Variants in SDK1 observed in about 807,000 individuals in gnomAD.
SDK1 encodes protein sidekick-1.
In SDK1, 157 loss-of-function variants were observed where a neutral mutation model predicts 245.5. The observed-to-expected ratio is 0.64, with a 90% CI of 0.56 to 0.73. The LOEUF is 0.73. Ranked by LOEUF, SDK1 falls within the 30% of genes least tolerant of loss-of-function variation. The probability of loss-of-function intolerance (pLI) is 0.00; values close to 1 mark genes in which losing one functional copy is unlikely to be tolerated. For synonymous variants in SDK1, 1,647 were observed against 1,278.5 expected (o/e 1.29, Z -6.15); for missense variants, 3,583 against 3,002.3 (o/e 1.19, Z -4.52).
intron 2 of SDK1, among the ~76,000 whole-genome samples, chr7:3,623,249 T>TC (rs1383748920): frequency 1.4e-5 from 2 of 147,588 alleles, no homozygotes; most frequent in Non-Finnish European, 3.0e-5. Context: ...GTATTTCTTT[T>TC]TTTTTTTTTT....
At chr7:4,086,518 C>A (rs1271049972) in intron 22 of SDK1, among the ~76,000 whole-genome samples, 1 of 152,134 alleles carries the variant, frequency 6.6e-6, no homozygotes, top group Non-Finnish European at 1.5e-5. Flanking sequence ...CATGGTCATT[C>A]CCAGCTCCTG....
intron 1 of SDK1, among the ~76,000 whole-genome samples, chr7:3,563,201 G>A (rs145319993): frequency 6.6e-6 from 1 of 152,108 alleles, no homozygotes; most frequent in African/African-American, 2.4e-5. Flanking sequence ...GGGGAAGTGG[G>A]ATGGAAAGAA....
Position 4,077,472 on chromosome 7 carries a change from G to A in SDK1, c.3202+283G>A, listed in dbSNP as rs7795491. ...AAAGTGTTTAAAGCCAGTTCCCAAT[G>A]CATATCTAAAATGCCATGAATACTT... On this transcript the variant is annotated intron_variant, in intron 21 of 44. Transcript: ENST00000404826. Among the ~76,000 whole-genome samples, 977 of 152,274 alleles carry A rather than the reference G, an allele frequency of 6.4e-3. 11 individuals are homozygous for A. Among genetic ancestry groups the A allele is most frequent in the African/African-American group, 0.023 (943 of 41,562 alleles).
chr7:3,369,296 C>T (rs1274609324), intron 1 of SDK1, among the ~76,000 whole-genome samples: 1 of 152,126 alleles, frequency 6.6e-6, no homozygotes, highest in Non-Finnish European at 1.5e-5. Context: ...CTGCCTCGGC[C>T]TCCCAAAGTG....
chr7:4,049,042 G>C (rs576342267), intron 17 of SDK1, among the ~76,000 whole-genome samples: 1 of 152,274 alleles, frequency 6.6e-6, no homozygotes, highest in South Asian at 2.1e-4. Context: ...AAAGAGATTA[G>C]AGAAAGCTTT....
intron 35 of SDK1, among the ~76,000 whole-genome samples, chr7:4,199,299 G>GC (rs1246398836): frequency 6.6e-6 from 1 of 152,114 alleles, no homozygotes; most frequent in Non-Finnish European, 1.5e-5. Context: ...CACTGTACGG[G>GC]CCAGGAAGCA....
At chr7:3,353,437 T>A (rs1562434921) in intron 1 of SDK1, among the ~76,000 whole-genome samples, 1 of 152,036 alleles carries the variant, frequency 6.6e-6, no homozygotes, top group Admixed American at 6.5e-5. Context: ...CCATAATTTC[T>A]AAAAAAAATT....
At chr7:4,252,635 G>A (rs1199742840) in intron 44 of SDK1, among the ~76,000 whole-genome samples, 2 of 151,976 alleles carry the variant, frequency 1.3e-5, no homozygotes, top group Non-Finnish European at 1.5e-5. Flanking sequence ...ATTTATCTTT[G>A]TGTGATTTTT....
intron 34 of SDK1, 77 bp downstream of exon 34, chr7:4,175,911 A>G (rs1782180006): frequency 3.1e-6 from 4 of 1,302,476 alleles, no homozygotes; most frequent in Admixed American, 1.7e-5. Context: ...CTCTCAGTGC[A>G]AGGGAAAACC....
At chr7:4,143,138 CTGTT>C (rs772732293) in intron 28 of SDK1, among the ~76,000 whole-genome samples, 2 of 152,170 alleles carry the variant, frequency 1.3e-5, no homozygotes, top group East Asian at 3.9e-4. Context: ...TTGGCCATGT[CTGTT>C]CTGGGCCCCT....
chr7:4,138,508 G>A (rs1725302668), intron 28 of SDK1, among the ~76,000 whole-genome samples: 1 of 152,240 alleles, frequency 6.6e-6, no homozygotes, highest in South Asian at 2.1e-4. Context: ...CACTTTGGGA[G>A]GCTGAGAAGG....
At chr7:3,753,917 A>C (rs1779845872) in intron 4 of SDK1, among the ~76,000 whole-genome samples, 1 of 152,218 alleles carries the variant, frequency 6.6e-6, no homozygotes, top group Admixed American at 6.5e-5. Flanking sequence ...CTATAAAATA[A>C]AATTTTGAAG....
intron 1 of SDK1, among the ~76,000 whole-genome samples, chr7:3,503,554 A>G (rs977574767): frequency 2.0e-5 from 3 of 152,100 alleles, no homozygotes; most frequent in Non-Finnish European, 2.9e-5. Flanking sequence ...GGTGTTACTT[A>G]TAGTCCTAGC....
At chr7:3,740,872 T>C (rs1305270039) in intron 4 of SDK1, among the ~76,000 whole-genome samples, 2 of 152,198 alleles carry the variant, frequency 1.3e-5, no homozygotes, top group African/African-American at 2.4e-5. Flanking sequence ...TCAGAGACTT[T>C]TATTCTGCCA....
intron 1 of SDK1, among the ~76,000 whole-genome samples, chr7:3,442,553 A>G (rs907323833): frequency 6.6e-6 from 1 of 152,232 alleles, no homozygotes; most frequent in Non-Finnish European, 1.5e-5. Context: ...GGTTGAGGGC[A>G]TGAAGTCAAC....
intron 1 of SDK1, among the ~76,000 whole-genome samples, chr7:3,522,383 T>C (rs935176336): frequency 2.0e-5 from 3 of 152,196 alleles, no homozygotes; most frequent in African/African-American, 7.2e-5. Flanking sequence ...TTCCAGTCTT[T>C]AATTCGGAGA....
In SDK1 at chr7:3,581,184, A is replaced by G. The variant is rs190594353; in HGVS notation, c.299-37896A>G. ...ACAGAGTATGCAGACAATCTGTAGAATAGGAGAAAATATTGGCTAACTATG... is the reference window on the plus strand; with the variant it reads ...ACAGAGTATGCAGACAATCTGTAGAGTAGGAGAAAATATTGGCTAACTATG... On this transcript the variant is annotated intron_variant, in intron 1 of 44. Coordinates refer to ENST00000404826, the MANE Select transcript of SDK1 (RefSeq NM_152744.4). 2.4e-3 allele frequency among the ~76,000 whole-genome samples: 366 copies of G among 152,246 alleles called. 3 individuals are homozygous for G. Among genetic ancestry groups the G allele is most frequent in the South Asian group, 0.018 (86 of 4,824 alleles).
rs373165098 is a variant in SDK1, at chr7:3,477,841, G to A, written c.299-141239G>A. Among the ~76,000 whole-genome samples, 9 of 152,016 alleles carry A rather than the reference G, an allele frequency of 5.9e-5. No homozygotes were observed. In the East Asian group the frequency reaches 9.7e-4, roughly 16 times the overall value. On this transcript the variant is annotated intron_variant, in intron 1 of 44. Coordinates refer to ENST00000404826, the MANE Select transcript of SDK1 (RefSeq NM_152744.4). ...CTTTATGGTTTTTTATATATAAAAC[G>A]TATCATGAGAAGTTGGATGGAAATT...
chr7:3,797,763 G>T (rs1442495816), intron 4 of SDK1, among the ~76,000 whole-genome samples: 1 of 152,050 alleles, frequency 6.6e-6, no homozygotes, highest in Non-Finnish European at 1.5e-5. Context: ...GCTAGTGAAT[G>T]GTTCCTTGAT....
Sources: gnomAD v4.1 joint callset for allele counts (sites outside exome capture counted in the v4.1 genomes callset) on GRCh38, gnomAD v4.1.1 for gene constraint, MANE v1.5 for transcripts, NCBI Gene and HGNC (gene_info 2026-07-23, HGNC 2026-07-21) for gene names.